The following LRBA variants were observed in gnomAD, a reference collection of about 807,000 sequenced individuals.
LRBA encodes the protein lipopolysaccharide-responsive and beige-like anchor protein.
A neutral mutation model predicts 330.0 loss-of-function variants in LRBA; 176 were observed. The observed-to-expected ratio is 0.53, with a 90% CI of 0.47 to 0.60. The LOEUF (loss-of-function observed/expected upper bound fraction) is 0.60. Among genes scored for constraint, LRBA ranks in the 20% least tolerant of loss-of-function variants. LRBA has a pLI of 0.00. For synonymous variants in LRBA, 1,230 were observed against 1,193.0 expected, an observed-to-expected ratio of 1.03 and a Z score of -0.64; for missense variants, 3,259 against 3,444.8, an observed-to-expected ratio of 0.95 and a Z score of 1.35.
intron 40 of LRBA, among the ~76,000 whole-genome samples, chr4:150,539,818 T>G (rs991480366): frequency 6.6e-6 from 1 of 152,204 alleles, no homozygotes; most frequent in Non-Finnish European, 1.5e-5. Flanking sequence ...GAGAAGACTA[T>G]TCAAGATTAC....
intron 52 of LRBA, among the ~76,000 whole-genome samples, chr4:150,304,956 T>C (rs1730170435): frequency 6.6e-6 from 1 of 152,158 alleles, no homozygotes; most frequent in Non-Finnish European, 1.5e-5. Context: ...GATCATAGAG[T>C]ATATATATGA....
At chr4:150,396,726 C>G (rs1322677860) in intron 47 of LRBA, among the ~76,000 whole-genome samples, 1 of 152,090 alleles carries the variant, frequency 6.6e-6, no homozygotes, top group Admixed American at 6.6e-5. Flanking sequence ...AAGCCTTTCC[C>G]AGGTACTGAC....
At chr4:150,534,258 T>A (rs1764374606) in intron 40 of LRBA, among the ~76,000 whole-genome samples, 1 of 150,706 alleles carries the variant, frequency 6.6e-6, no homozygotes, top group African/African-American at 2.4e-5. Flanking sequence ...ATGTATACAT[T>A]ATTGTTCACA....
rs182204875 is a variant in LRBA at position 150,570,560 on chromosome 4, T to G, written c.6330+17488A>C. Among the ~76,000 whole-genome samples the G allele has an allele frequency of 1.1e-3, 170 of 152,258 alleles. 1 individual carries two copies. In the South Asian group the frequency reaches 0.016, roughly 14 times the overall value. ...AATAACACATGTCATCTTCTCTTTG[T>G]AAGCAATATATTTAAGATTACAAGA... On this transcript the variant is annotated intron_variant, in intron 40 of 56. Coordinates refer to ENST00000651943, the MANE Select transcript of LRBA (RefSeq NM_001364905.1).
intron 2 of LRBA, among the ~76,000 whole-genome samples, chr4:150,940,873 CTTTCTT>C (rs1260307131): frequency 6.6e-6 from 1 of 151,462 alleles, no homozygotes; most frequent in African/African-American, 2.4e-5. Flanking sequence ...TTTTTGTTTT[CTTTCTT>C]TCATGACTTT....
intron 30 of LRBA, among the ~76,000 whole-genome samples, chr4:150,818,532 CTGTG>C (rs74479974): frequency 0.14 from 20,402 of 145,830 alleles, 2,842 homozygotes; most frequent in African/African-American, 0.37. Context: ...TGACGAATGT[CTGTG>C]TGTGTGTGTG....
At chr4:150,962,943 G>A (rs1018011814) in intron 2 of LRBA, among the ~76,000 whole-genome samples, 1 of 146,358 alleles carries the variant, frequency 6.8e-6, no homozygotes, top group Non-Finnish European at 1.5e-5. Context: ...GACAGAGCCA[G>A]ACTCTGTCTG....
chr4:150,510,118 C>G (rs982668996), intron 40 of LRBA, among the ~76,000 whole-genome samples: 6 of 151,868 alleles, frequency 4.0e-5, no homozygotes, highest in African/African-American at 1.2e-4. Flanking sequence ...CCAGCCTGGG[C>G]GGCAGAGTGA....
At position 150,844,172 on chromosome 4, in the gene LRBA, T is replaced by C; in HGVS notation, c.4497A>G (p.Pro1499=). The C allele has an allele frequency of 2.5e-6, 4 of 1,610,814 alleles. No homozygotes were observed. Among genetic ancestry groups the C allele is most frequent in the Non-Finnish European group, 3.4e-6 (4 of 1,177,798 alleles). ...PVDIVTGGIS[P]VRDLDRLLQD... is the part of the protein sequence containing the mutation. ...GTAGAAGCCTGTCAAGATCTCTTAC[T>C]GGAGATATACCGCCAGTCACAATGT... The change falls in exon 28 of 57, where the codon CCA becomes CCG. Residue 1499 remains proline, a synonymous_variant. Transcript: ENST00000651943.
chr4:150,706,722 A>G (rs1343064978), intron 36 of LRBA, among the ~76,000 whole-genome samples: 1 of 151,800 alleles, frequency 6.6e-6, no homozygotes, highest in African/African-American at 2.4e-5. Context: ...TCCTTAATAC[A>G]TGCAGAGCTT....
At chr4:150,913,420 T>G (rs1732232620) in intron 9 of LRBA, among the ~76,000 whole-genome samples, 1 of 152,098 alleles carries the variant, frequency 6.6e-6, no homozygotes, top group African/African-American at 2.4e-5. Flanking sequence ...TGAGCCAAGA[T>G]CATGCCATTG....
At chr4:150,783,225 A>C (rs752876399) in intron 34 of LRBA, among the ~76,000 whole-genome samples, 23 of 152,174 alleles carry the variant, frequency 1.5e-4, no homozygotes, top group Non-Finnish European at 3.1e-4. Flanking sequence ...TTACTTTCTC[A>C]CTGCCCCTAA....
chr4:150,781,931 C>T (rs549447071), intron 34 of LRBA, among the ~76,000 whole-genome samples: 5 of 152,150 alleles, frequency 3.3e-5, no homozygotes, highest in African/African-American at 1.2e-4. Flanking sequence ...TTTTTGAGAA[C>T]AGGGTCTTGT....
rs1581617433 is a variant in LRBA at position 150,538,946 on chromosome 4, A to C, written c.6331-47911T>G. Among the ~76,000 whole-genome samples the C allele has an allele frequency of 3.9e-5, 6 of 152,092 alleles. 1 individual carries two copies. The highest frequency in any genetic ancestry group is 3.9e-4 in the Admixed American group (6 of 15,270). ...AACAAACCTGCACATGTAGCCTCTG[A>C]ATCTAAAAGTTAAGGGTTTTAAAAA... On this transcript the variant is annotated intron_variant, in intron 40 of 56. Coordinates refer to ENST00000651943, the MANE Select transcript of LRBA (RefSeq NM_001364905.1).
At chr4:150,988,540 G>A (rs965205204) in intron 2 of LRBA, among the ~76,000 whole-genome samples, 8 of 151,972 alleles carry the variant, frequency 5.3e-5, no homozygotes, top group African/African-American at 1.7e-4. Flanking sequence ...TTTTCTTTTC[G>A]CTTTTGTGTA....
chr4:150,954,040 G>T (rs1226658418), intron 2 of LRBA, among the ~76,000 whole-genome samples: 4 of 116,166 alleles, frequency 3.4e-5, no homozygotes, highest in African/African-American at 9.6e-5. Flanking sequence ...GAGCCTCTCC[G>T]CCCGGCAGCC....
chr4:150,497,133 T>G (rs896417142), intron 40 of LRBA, among the ~76,000 whole-genome samples: 1 of 152,156 alleles, frequency 6.6e-6, no homozygotes, highest in Admixed American at 6.5e-5. Flanking sequence ...TAAAGAATTT[T>G]AATCAAGTAT....
intron 55 of LRBA, 86 bp downstream of exon 55, chr4:150,282,364 G>C: frequency 2.5e-6 from 3 of 1,202,584 alleles, no homozygotes; most frequent in East Asian, 2.3e-5. Flanking sequence ...CAAAAATAGA[G>C]GTTTCTTTCG....
At chr4:150,646,677 A>G (rs1164207744) in intron 37 of LRBA, among the ~76,000 whole-genome samples, 1 of 152,100 alleles carries the variant, frequency 6.6e-6, no homozygotes, top group Non-Finnish European at 1.5e-5. Flanking sequence ...AAGATAACCA[A>G]AGTGTTAGCA....
Sources: allele counts gnomAD v4.1 joint callset (sites outside exome capture counted in the v4.1 genomes callset), GRCh38; gene constraint gnomAD v4.1.1; transcripts MANE v1.5; gene names NCBI Gene and HGNC (gene_info 2026-07-23, HGNC 2026-07-21).